PCDHA12: variants seen among roughly 807,000 people sequenced by gnomAD.
The protein encoded by PCDHA12 is protocadherin alpha-12.
PCDHA12 carries 44 observed loss-of-function variants against 60.0 expected under a neutral mutation model. The observed-to-expected ratio is 0.73, with a 90% CI of 0.58 to 0.94. The LOEUF (loss-of-function observed/expected upper bound fraction) is 0.94. Among genes scored for constraint, PCDHA12 ranks in the 40% least tolerant of loss-of-function variants. PCDHA12 has a pLI of 0.00. For missense variants in PCDHA12, 1,276 were observed against 1,239.7 expected (o/e 1.03, Z -0.44); for synonymous variants, 569 against 553.0 (o/e 1.03, Z -0.40).
In PCDHA12 at chr5:141,005,428, G is replaced by T. The variant is rs907211430; in HGVS notation, c.2516-4199G>T. On this transcript the variant is annotated intron_variant, in intron 3 of 3. Transcript: ENST00000398631. ...AGAGTGAGGAGTCATGCTAAGAATG[G>T]ATGAGAGGCTCACGCCTGTAATCCC... Among the ~76,000 whole-genome samples, 21 of 152,154 alleles carry T rather than the reference G, an allele frequency of 1.4e-4. 1 individual carries two copies. The highest frequency in any genetic ancestry group is 1.2e-3 in the Admixed American group (19 of 15,266).
chr5:140,956,644 C>G (rs2095298403), intron 1 of PCDHA12, among the ~76,000 whole-genome samples: 1 of 152,096 alleles, frequency 6.6e-6, no homozygotes, highest in Non-Finnish European at 1.5e-5. Flanking sequence ...GTTTTGGTAT[C>G]AGGATGATGC....
chr5:140,890,190 A>C (rs1213958471), intron 1 of PCDHA12, among the ~76,000 whole-genome samples: 3 of 152,084 alleles, frequency 2.0e-5, no homozygotes, highest in Middle Eastern at 3.2e-3. Flanking sequence ...TACAAAACAG[A>C]GTTTTTTGTT....
intron 1 of PCDHA12, among the ~76,000 whole-genome samples, chr5:140,901,805 T>G (rs115665679): frequency 0.012 from 1,857 of 152,304 alleles, 44 homozygotes; most frequent in African/African-American, 0.042. Context: ...TGAACATTTT[T>G]ACAATATTGA....
chr5:140,986,634 A>C (rs1587175680), intron 3 of PCDHA12, among the ~76,000 whole-genome samples: 3 of 152,202 alleles, frequency 2.0e-5, no homozygotes, highest in South Asian at 2.1e-4. Flanking sequence ...GCAACAGTAC[A>C]TTAGTTTTAG....
chr5:141,010,618 G>T lies in PCDHA12; in HGVS notation c.*681G>T. The T allele has an allele frequency of 5.2e-6, 1 of 191,706 alleles. No individual in the cohort carries two copies. The highest frequency in any genetic ancestry group is 1.1e-5 in the Non-Finnish European group (1 of 92,168). 11.9% of individuals were successfully genotyped at this position (191,706 alleles called of 1,614,324 possible). ...TGTGACGTCATTATACCTAAAATCT[G>T]CATCATACCTGCAAGCCAACAGTTC... is the stretch of plus-strand genomic sequence containing the variant. On this transcript the variant is annotated 3_prime_UTR_variant, in exon 4 of 4. Coordinates refer to ENST00000398631, the MANE Select transcript of PCDHA12 (RefSeq NM_018903.4).
rs1197657289 is a variant in PCDHA12 at position 140,900,491 on chromosome 5, G to A, written c.2367+22652G>A. Among the ~76,000 whole-genome samples the A allele has an allele frequency of 2.6e-5, 4 of 152,160 alleles. No homozygotes were observed. The East Asian group carries it at 7.7e-4, about 29-fold the overall frequency. On this transcript the variant is annotated intron_variant, in intron 1 of 3. Transcript: ENST00000398631. ...GGAGTTTCTCCATGTTGGTCAGACT[G>A]GTCTCAAATTCCCAGCCTCAGGTGA...
intron 1 of PCDHA12, among the ~76,000 whole-genome samples, chr5:140,943,089 T>C (rs2093417033): frequency 6.6e-6 from 1 of 151,612 alleles, no homozygotes; most frequent in African/African-American, 2.4e-5. Flanking sequence ...AAATCCTGCC[T>C]CTACTAAAAA....
intron 1 of PCDHA12, chr5:140,883,561 C>T: frequency 1.2e-6 from 2 of 1,614,156 alleles, no homozygotes; most frequent in Non-Finnish European, 1.7e-6. Flanking sequence ...GGGACGGGGG[C>T]TCGCCTTCGC....
At chr5:140,891,330 T>G (rs995602420) in intron 1 of PCDHA12, among the ~76,000 whole-genome samples, 14 of 152,108 alleles carry the variant, frequency 9.2e-5, no homozygotes, top group Non-Finnish European at 1.9e-4. Flanking sequence ...TGGTGGTGAT[T>G]TGTGAGATTT....
intron 1 of PCDHA12, among the ~76,000 whole-genome samples, chr5:140,941,955 A>G (rs1424348103): frequency 1.3e-5 from 2 of 152,216 alleles, no homozygotes; most frequent in Non-Finnish European, 2.9e-5. Flanking sequence ...TTTGAAAACA[A>G]TAGTATCTTT....
Position 140,876,569 on chromosome 5 carries a change from G to C in PCDHA12, c.1097G>C (p.Gly366Ala), listed in dbSNP as rs1554168675. Residue 366 changes from glycine to alanine, a missense_variant, in exon 1 of 4, where the codon GGT becomes GCT. Transcript: ENST00000398631. ...CCTGTGCAAGAGGATGCTCAGGTGG[G>C]TACCGTCATTGCCCTGATTAGCGTG... The part of the protein sequence containing the change: ...SLPVQEDAQV[G>A]TVIALISVSD... 6.2e-7 allele frequency: 1 copy of C among 1,614,186 alleles called. No individual in the cohort carries two copies. Among genetic ancestry groups the C allele is most frequent in the Admixed American group, 1.7e-5 (1 of 60,026 alleles).
intron 1 of PCDHA12, among the ~76,000 whole-genome samples, chr5:140,898,790 AT>A (rs1193457354): frequency 2.6e-5 from 4 of 152,112 alleles, no homozygotes; most frequent in African/African-American, 7.2e-5. Flanking sequence ...CAGTATGGCC[AT>A]TTTCACGATA....
At chr5:141,007,015 A>G (rs1342063703) in intron 3 of PCDHA12, among the ~76,000 whole-genome samples, 1 of 152,210 alleles carries the variant, frequency 6.6e-6, no homozygotes, top group Non-Finnish European at 1.5e-5. Flanking sequence ...TCATCAGCTT[A>G]TTCATATGGT....
intron 1 of PCDHA12, among the ~76,000 whole-genome samples, chr5:140,897,278 A>C (rs993702418): frequency 1.1e-4 from 16 of 151,088 alleles, no homozygotes; most frequent in Non-Finnish European, 1.8e-4. Context: ...GGTGTGCTGC[A>C]CCCATTAACT....
At chr5:140,886,680 G>A (rs1554182653) in intron 1 of PCDHA12, among the ~76,000 whole-genome samples, 1 of 151,946 alleles carries the variant, frequency 6.6e-6, no homozygotes, top group Non-Finnish European at 1.5e-5. Flanking sequence ...ACAAAAATTA[G>A]CGAGGCATGG....
At chr5:140,969,514 G>T (rs2096339995) in intron 1 of PCDHA12, 3 of 1,414,044 alleles carry the variant, frequency 2.1e-6, no homozygotes, top group Admixed American at 2.8e-5. Flanking sequence ...TAGCACTAAA[G>T]AATTGTTTTA....
At chr5:140,883,519 C>T (rs1554178517) in intron 1 of PCDHA12, 12 of 1,614,190 alleles carry the variant, frequency 7.4e-6, no homozygotes, top group Non-Finnish European at 1.0e-5. Flanking sequence ...ACCGCGAGAG[C>T]GTATCAGCCT....
intron 1 of PCDHA12, among the ~76,000 whole-genome samples, chr5:140,880,418 G>T (rs1554171267): frequency 6.6e-6 from 1 of 152,090 alleles, no homozygotes; most frequent in Non-Finnish European, 1.5e-5. Flanking sequence ...CTTAAAAGCG[G>T]GAACAGTTTT....
intron 3 of PCDHA12, 66 bp from the exon 4 acceptor site, chr5:141,009,561 A>C: frequency 6.4e-7 from 1 of 1,571,278 alleles, no homozygotes; most frequent in Non-Finnish European, 8.6e-7. Context: ...CCTGTACTCT[A>C]CCAGCAGTGT....
Sources: allele counts gnomAD v4.1 joint callset (sites outside exome capture counted in the v4.1 genomes callset), GRCh38; gene constraint gnomAD v4.1.1; transcripts MANE v1.5; gene names NCBI Gene and HGNC (gene_info 2026-07-23, HGNC 2026-07-21).